Variants in SPMIP3 observed in about 807,000 individuals in gnomAD.
SPMIP3 encodes protein SPMIP3.
At chr1:244,379,845 G>A in the SPMIP3 span, among the ~76,000 whole-genome samples, 1 of 151,928 alleles carries the variant, frequency 6.6e-6, no homozygotes, top group Non-Finnish European at 1.5e-5. Flanking sequence ...GTGCATGCCT[G>A]TAATTCCAGC....
the SPMIP3 span, among the ~76,000 whole-genome samples, chr1:244,380,827 A>T: frequency 7.9e-5 from 12 of 151,986 alleles, no homozygotes; most frequent in Non-Finnish European, 1.8e-4. Flanking sequence ...AGATCAGGAA[A>T]AGGGAGGGAG....
chr1:244,380,123 C>CTG, the SPMIP3 span, among the ~76,000 whole-genome samples: 3 of 115,548 alleles, frequency 2.6e-5, no homozygotes, highest in Non-Finnish European at 3.5e-5. Flanking sequence ...CAGAGTTTTT[C>CTG]TTTTTTTTTT....
the SPMIP3 span, among the ~76,000 whole-genome samples, chr1:244,368,418 G>C: frequency 2.0e-5 from 3 of 152,230 alleles, no homozygotes; most frequent in African/African-American, 7.2e-5. Context: ...CCAAGGCACG[G>C]TGTGGTTAAA....
chr1:244,382,663 G>A, the SPMIP3 span, among the ~76,000 whole-genome samples: 27 of 147,792 alleles, frequency 1.8e-4, no homozygotes, highest in East Asian at 5.4e-3. Flanking sequence ...GAGTGCAGTG[G>A]CGCAATCTCA....
the SPMIP3 span, among the ~76,000 whole-genome samples, chr1:244,386,003 AAC>A: frequency 0.29 from 41,923 of 145,426 alleles, 6,282 homozygotes; most frequent in Admixed American, 0.43. Context: ...ATCTCTACAA[AAC>A]ACACACACAC....
At chr1:244,383,282 T>G in the SPMIP3 span, among the ~76,000 whole-genome samples, 7 of 151,856 alleles carry the variant, frequency 4.6e-5, no homozygotes, top group Non-Finnish European at 7.4e-5. Context: ...GGGACCGAGG[T>G]GGGAGGACAG....
the SPMIP3 span, chr1:244,389,020 G>A: frequency 1.2e-6 from 2 of 1,613,992 alleles, no homozygotes; most frequent in Admixed American, 1.7e-5. Context: ...GAGCTCTACT[G>A]TTGTGAAGAG....
chr1:244,352,707 A>G, the SPMIP3 span: 1 of 152,316 alleles, frequency 6.6e-6, no homozygotes, highest in Middle Eastern at 3.4e-3. Flanking sequence ...AAGAACAAGG[A>G]GGTCTCTGCC....
the SPMIP3 span, among the ~76,000 whole-genome samples, chr1:244,367,645 C>T: frequency 1.5e-4 from 23 of 152,188 alleles, no homozygotes; most frequent in Non-Finnish European, 3.2e-4. Context: ...GAAGACAGCC[C>T]AGCCTTAGGC....
chr1:244,363,792 G>A, the SPMIP3 span, among the ~76,000 whole-genome samples: 1 of 152,198 alleles, frequency 6.6e-6, no homozygotes, highest in Non-Finnish European at 1.5e-5. Context: ...GAGATGAGAC[G>A]CTGGAAAAGT....
At chr1:244,359,709 GC>G in the SPMIP3 span, among the ~76,000 whole-genome samples, 1 of 151,728 alleles carries the variant, frequency 6.6e-6, no homozygotes, top group Non-Finnish European at 1.5e-5. Context: ...GGCAATGAGA[GC>G]AAAACTCCAC....
At chr1:244,375,136 AGGTTGT>A in the SPMIP3 span, 1 of 310,240 alleles carries the variant, frequency 3.2e-6, no homozygotes, top group Middle Eastern at 8.8e-4. Context: ...CAGATGCGGG[AGGTTGT>A]GGTGGGAGGA....
chr1:244,372,634 T>A, the SPMIP3 span, among the ~76,000 whole-genome samples: 325 of 152,076 alleles, frequency 2.1e-3, 2 homozygotes, highest in African/African-American at 3.5e-3. Flanking sequence ...TAGTAGAGAC[T>A]GGGTTTCACC....
At chr1:244,360,513 C>T in the SPMIP3 span, among the ~76,000 whole-genome samples, 64 of 34,376 alleles carry the variant, frequency 1.9e-3, no homozygotes, top group Non-Finnish European at 2.7e-3. Flanking sequence ...GTGATATACA[C>T]ACACACACAC....
chr1:244,380,784 G>A, the SPMIP3 span, among the ~76,000 whole-genome samples: 695 of 152,214 alleles, frequency 4.6e-3, 9 homozygotes, highest in African/African-American at 0.016. Flanking sequence ...TGGGCCCCTG[G>A]GTCCCAGGGA....
chr1:244,389,615 G>A, the SPMIP3 span: 1 of 152,100 alleles, frequency 6.6e-6, no homozygotes, highest in Non-Finnish European at 1.5e-5. Flanking sequence ...CAGGCAGAAA[G>A]CTAAAGGGTC....
the SPMIP3 span, among the ~76,000 whole-genome samples, chr1:244,380,464 T>C: frequency 6.6e-6 from 1 of 152,196 alleles, no homozygotes; most frequent in Admixed American, 6.5e-5. Context: ...TGGAGGCTCT[T>C]ACACTGTGGC....
chr1:244,385,893 G>A, the SPMIP3 span, among the ~76,000 whole-genome samples: 83 of 152,218 alleles, frequency 5.5e-4, 1 homozygote, highest in South Asian at 0.016. Context: ...GCCAGGTGCG[G>A]TGGCTCACAC....
At chr1:244,374,587 C>CT in the SPMIP3 span, among the ~76,000 whole-genome samples, 1,194 of 74,640 alleles carry the variant, frequency 0.016, 160 homozygotes, top group East Asian at 0.063. Flanking sequence ...CCACATTTCT[C>CT]TTTTTTTTTT....
Sources: gnomAD v4.1 joint callset for allele counts (sites outside exome capture counted in the v4.1 genomes callset) on GRCh38, gnomAD v4.1.1 for gene constraint, MANE v1.5 for transcripts, NCBI Gene and HGNC (gene_info 2026-07-23, HGNC 2026-07-21) for gene names.